Variants in TMEM150C observed in about 807,000 individuals in gnomAD.
The protein encoded by TMEM150C is transmembrane protein 150C, also known as tentonin 3.
TMEM150C carries 10 observed loss-of-function variants against 29.9 expected under a neutral mutation model. That is an observed-to-expected ratio of 0.33 (90% CI 0.21 to 0.57). The LOEUF is 0.57. Among genes scored for constraint, TMEM150C ranks in the 20% least tolerant of loss-of-function variants. The pLI, the probability that TMEM150C is intolerant of heterozygous loss-of-function variation, is 0.88. For missense variants in TMEM150C, 251 were observed against 303.6 expected (o/e 0.83, Z 1.29); for synonymous variants, 101 against 112.5 (o/e 0.90, Z 0.64).
rs1242730837 is a variant in TMEM150C at position 82,496,138 on chromosome 4, C to G, written c.293G>C (p.Trp98Ser). Residue 98 changes from tryptophan (W) to serine (S), a missense_variant, in exon 6 of 8, where the codon TGG becomes TCG. Trp to Ser is a radical substitution (Grantham distance 177). Transcript: ENST00000449862. ...IQLKPKVLNP[W>S]LNISGLVALC... The stretch of plus-strand genomic sequence containing the variant: ...AGCCACCAATCCACTAATATTCAGC[C>G]ACGGGTTTAAAACCTTCGGTTTCAG... The G allele has an allele frequency of 3.1e-6, 5 of 1,613,806 alleles. No homozygotes were observed. The highest frequency in any genetic ancestry group is 4.2e-6 in the Non-Finnish European group (5 of 1,179,874).
At chr4:82,534,535 A>C (rs1437742480) in intron 1 of TMEM150C, among the ~76,000 whole-genome samples, 1 of 152,232 alleles carries the variant, frequency 6.6e-6, no homozygotes, top group African/African-American at 2.4e-5. Flanking sequence ...AAATAAATGG[A>C]GAGACAGTAA....
At chr4:82,509,021 T>A (rs1346882470) in intron 1 of TMEM150C, among the ~76,000 whole-genome samples, 1 of 152,206 alleles carries the variant, frequency 6.6e-6, no homozygotes, top group African/African-American at 2.4e-5. Flanking sequence ...CCAAATGATT[T>A]GCAAAGCTGT....
At chr4:82,513,670 A>C (rs1370510286) in intron 1 of TMEM150C, among the ~76,000 whole-genome samples, 1 of 152,190 alleles carries the variant, frequency 6.6e-6, no homozygotes, top group Non-Finnish European at 1.5e-5. Flanking sequence ...GAAGAGGAAG[A>C]GTTTAGAAAT....
upstream of TMEM150C, chr4:82,562,164 C>T (rs1725963091): frequency 3.9e-6 from 5 of 1,280,074 alleles, no homozygotes; most frequent in Non-Finnish European, 5.1e-6. Flanking sequence ...AATAGTCACC[C>T]GGGGCAGGAG....
At chr4:82,554,902 G>A (rs992022618) in intron 1 of TMEM150C, among the ~76,000 whole-genome samples, 5 of 152,134 alleles carry the variant, frequency 3.3e-5, no homozygotes, top group African/African-American at 1.2e-4. Context: ...CTCAGAGATG[G>A]AAGATTCTAC....
At chr4:82,509,246 G>C (rs914063120) in intron 1 of TMEM150C, among the ~76,000 whole-genome samples, 2 of 152,122 alleles carry the variant, frequency 1.3e-5, no homozygotes, top group Non-Finnish European at 2.9e-5. Context: ...CGCTCGCTTT[G>C]TGACCTGGCA....
intron 6 of TMEM150C, chr4:82,494,933 C>T: frequency 1.8e-6 from 1 of 567,912 alleles, no homozygotes; most frequent in Non-Finnish European, 3.3e-6. Flanking sequence ...CTTTAGCCTC[C>T]TTCATTCTCT....
At chr4:82,548,828 G>C (rs1323981004) in intron 1 of TMEM150C, among the ~76,000 whole-genome samples, 1 of 152,214 alleles carries the variant, frequency 6.6e-6, no homozygotes, top group Non-Finnish European at 1.5e-5. Context: ...ACTGCATGCA[G>C]ATGTCAGGGC....
intron 1 of TMEM150C, among the ~76,000 whole-genome samples, chr4:82,517,991 C>T (rs1240066126): frequency 6.6e-6 from 1 of 152,156 alleles, no homozygotes; most frequent in Non-Finnish European, 1.5e-5. Context: ...TTTCCTACCT[C>T]TCCTTACAGA....
intron 1 of TMEM150C, among the ~76,000 whole-genome samples, chr4:82,524,006 A>T (rs565414882): frequency 6.6e-6 from 1 of 151,484 alleles, no homozygotes; most frequent in South Asian, 2.1e-4. Flanking sequence ...TTATTAAAAC[A>T]CAACAACTTT....
intron 7 of TMEM150C, 51 bp downstream of exon 7, chr4:82,490,010 T>C (rs541709968): frequency 6.4e-7 from 1 of 1,564,780 alleles, no homozygotes; most frequent in Admixed American, 1.7e-5. Flanking sequence ...AGAGACAACT[T>C]ACTTGTTTTC....
chr4:82,492,864 G>GTGTGTATATATA (rs71666742), intron 6 of TMEM150C, among the ~76,000 whole-genome samples: 4 of 90,268 alleles, frequency 4.4e-5, no homozygotes, highest in African/African-American at 1.6e-4. Context: ...ATATGTTTGT[G>GTGTGTATATATA]TATATATATA....
chr4:82,485,443 G>A lies in TMEM150C; in HGVS notation c.*68C>T. The A allele has an allele frequency of 2.5e-6, 3 of 1,202,202 alleles. No homozygotes were observed. Among genetic ancestry groups the A allele is most frequent in the Middle Eastern group, 2.2e-4 (1 of 4,612 alleles). The allele number at this position is 1,202,202 out of a possible 1,614,324, so 74.5% of individuals were successfully genotyped here. On this transcript the variant is annotated 3_prime_UTR_variant, in exon 8 of 8. Coordinates refer to ENST00000449862, the MANE Select transcript of TMEM150C (RefSeq NM_001080506.3). Reference sequence around the variant, plus strand: ...GAAATGAGGTTCTATGTCAAGTCCTGTGAGTGTGTCCTACTGGCCCCTCCC... The same window carrying A: ...GAAATGAGGTTCTATGTCAAGTCCTATGAGTGTGTCCTACTGGCCCCTCCC...
chr4:82,499,763 C>T (rs1358995545), intron 5 of TMEM150C, among the ~76,000 whole-genome samples: 2 of 138,340 alleles, frequency 1.4e-5, no homozygotes, highest in East Asian at 4.2e-4. Context: ...AGAATAATGG[C>T]TGATTTTTCT....
intron 1 of TMEM150C, among the ~76,000 whole-genome samples, chr4:82,535,510 C>G (rs965132566): frequency 6.6e-6 from 1 of 152,128 alleles, no homozygotes; most frequent in African/African-American, 2.4e-5. Flanking sequence ...AGAAGCAATT[C>G]AGGTGGGGAA....
chr4:82,489,987 T>G, intron 7 of TMEM150C, 74 bp downstream of exon 7: 1 of 1,431,896 alleles, frequency 7.0e-7, no homozygotes, highest in South Asian at 1.3e-5. Context: ...CCTAACCCAC[T>G]GGGTTCTTCT....
intron 7 of TMEM150C, among the ~76,000 whole-genome samples, chr4:82,486,555 C>T (rs13122476): frequency 0.65 from 98,220 of 151,776 alleles, 33,761 homozygotes; most frequent in African/African-American, 0.88. Context: ...CTGTATAGAC[C>T]AGTTTCATTC....
intron 1 of TMEM150C, among the ~76,000 whole-genome samples, chr4:82,560,549 G>A (rs949838671): frequency 9.9e-5 from 15 of 152,184 alleles, no homozygotes; most frequent in African/African-American, 3.6e-4. Flanking sequence ...GAAACATGGA[G>A]TCTCTAGAAC....
upstream of TMEM150C, chr4:82,562,107 A>G: frequency 8.1e-7 from 1 of 1,238,526 alleles, no homozygotes; most frequent in East Asian, 6.8e-5. Flanking sequence ...CTTCGGGGAG[A>G]GTTGATCCCC....
Sources: gnomAD v4.1 joint callset for allele counts (sites outside exome capture counted in the v4.1 genomes callset) on GRCh38, gnomAD v4.1.1 for gene constraint, MANE v1.5 for transcripts, NCBI Gene and HGNC (gene_info 2026-07-23, HGNC 2026-07-21) for gene names.